The following PLEKHA6 variants were observed in gnomAD, a reference collection of about 807,000 sequenced individuals.
The protein encoded by PLEKHA6 is pleckstrin homology domain containing A6.
In PLEKHA6, 60 loss-of-function variants were observed where a neutral mutation model predicts 116.7. That is an observed-to-expected ratio of 0.51 (90% CI 0.42 to 0.64). The LOEUF is 0.64. PLEKHA6 is among the 30% of genes least tolerant of loss of function. The pLI is 0.00. For missense variants in PLEKHA6, 1,338 were observed against 1,422.7 expected, an observed-to-expected ratio of 0.94 and a Z score of 0.96; for synonymous variants, 489 against 556.1, an observed-to-expected ratio of 0.88 and a Z score of 1.70.
intron 1 of PLEKHA6, among the ~76,000 whole-genome samples, chr1:204,283,087 G>C (rs1668803902): frequency 6.6e-6 from 1 of 152,202 alleles, no homozygotes; most frequent in South Asian, 2.1e-4. Context: ...CAGCCCAGCT[G>C]TCCGCCGCCG....
chr1:204,377,948 C>G (rs1369591561), upstream of PLEKHA6: 1 of 152,410 alleles, frequency 6.6e-6, no homozygotes, highest in Non-Finnish European at 1.5e-5. Flanking sequence ...GACTCGGGAG[C>G]TCCTCTTCGG....
At chr1:204,361,834 G>A (rs1673566961), upstream of PLEKHA6, among the ~76,000 whole-genome samples, 1 of 152,150 alleles carries the variant, frequency 6.6e-6, no homozygotes, top group Non-Finnish European at 1.5e-5. Context: ...AGCCAGTGGA[G>A]GAAAGGAGTG....
At position 204,228,607 on chromosome 1, in the gene PLEKHA6, A is replaced by G; in HGVS notation, c.2885+121T>C. 15 of 882,854 alleles carry G rather than the reference A, an allele frequency of 1.7e-5. No individual in the cohort carries two copies. The highest frequency in any genetic ancestry group is 1.8e-5 in the Non-Finnish European group (10 of 548,570). The allele number at this position is 882,854 out of a possible 1,614,324, so 54.7% of individuals were successfully genotyped here. A position where few individuals can be genotyped will look rare whatever the true frequency, so the allele number is the denominator to read the frequency against. On this transcript the variant is annotated intron_variant, in intron 20 of 22. Coordinates refer to ENST00000272203, the MANE Select transcript of PLEKHA6 (RefSeq NM_014935.5). The surrounding 1 kb of genome is among the most constrained non-coding windows in gnomAD (Gnocchi z 4.0). ...TAGCTGGGCCCTGTCTGCTGCCTGG[A>G]GTCACCACCTCGATGTGCTCTCCCC... is the stretch of plus-strand genomic sequence containing the variant.
rs1249871954 is a variant in PLEKHA6 at position 204,257,314 on chromosome 1, C to T, written c.1524+39G>A. On this transcript the variant is annotated intron_variant, in intron 9 of 22. Coordinates refer to ENST00000272203, the MANE Select transcript of PLEKHA6 (RefSeq NM_014935.5). This position sits in a 1 kb window ranked among gnomAD's most constrained non-coding sequence, Gnocchi z 6.5. Reference sequence around the variant, plus strand: ...TAGATGGTCTTAGGCTTCTGGGGACCTCAGGGGATGAGGAAGGAAGGGCAG... The same window carrying T: ...TAGATGGTCTTAGGCTTCTGGGGACTTCAGGGGATGAGGAAGGAAGGGCAG... 7.1e-6 allele frequency: 11 copies of T among 1,545,460 alleles called. No homozygotes were observed. The highest frequency in any genetic ancestry group is 9.6e-6 in the Non-Finnish European group (11 of 1,141,580).
intron 1 of PLEKHA6, among the ~76,000 whole-genome samples, chr1:204,327,532 C>T (rs1024402242): frequency 3.3e-5 from 5 of 152,252 alleles, no homozygotes; most frequent in African/African-American, 7.2e-5. Flanking sequence ...CTGAGAGCCC[C>T]GTCGTTGATT....
chr1:204,362,001 G>A (rs149064518), upstream of PLEKHA6, among the ~76,000 whole-genome samples: 34 of 152,360 alleles, frequency 2.2e-4, no homozygotes, highest in East Asian at 1.9e-3. Flanking sequence ...GGCAAGGGCC[G>A]CAGACGAGTC....
At chr1:204,269,535 C>A (rs749064246) in intron 3 of PLEKHA6, among the ~76,000 whole-genome samples, 1 of 151,246 alleles carries the variant, frequency 6.6e-6, no homozygotes, top group East Asian at 2.0e-4. Context: ...GATGGCAGCT[C>A]CACCCCACAC....
At chr1:204,256,750 G>A in intron 9 of PLEKHA6, 1 of 512,366 alleles carries the variant, frequency 2.0e-6, no homozygotes, top group Non-Finnish European at 3.5e-6. Flanking sequence ...CACCCTGAGT[G>A]GAGCACGGTG....
intron 1 of PLEKHA6, among the ~76,000 whole-genome samples, chr1:204,337,533 A>G (rs1461673469): frequency 6.6e-6 from 1 of 152,258 alleles, no homozygotes; most frequent in Non-Finnish European, 1.5e-5. Context: ...ACAAGTGAGC[A>G]TGAGATGAGG....
At chr1:204,334,399 T>A (rs1045801579) in intron 1 of PLEKHA6, among the ~76,000 whole-genome samples, 4 of 152,190 alleles carry the variant, frequency 2.6e-5, no homozygotes, top group Non-Finnish European at 4.4e-5. Flanking sequence ...TTTGTGCTCC[T>A]CATAAGATCA....
chr1:204,281,198 C>A (rs1384559854), intron 1 of PLEKHA6: 4 of 153,370 alleles, frequency 2.6e-5, no homozygotes, highest in African/African-American at 9.7e-5. Flanking sequence ...AACAACAGAG[C>A]AAGGCCCCCA....
intron 9 of PLEKHA6, among the ~76,000 whole-genome samples, chr1:204,252,370 G>C (rs888940625): frequency 6.6e-6 from 1 of 151,682 alleles, no homozygotes; most frequent in Non-Finnish European, 1.5e-5. Flanking sequence ...GGAAAGGAGG[G>C]GTGGGAGAAA....
intron 7 of PLEKHA6, among the ~76,000 whole-genome samples, chr1:204,260,419 T>C (rs1353487579): frequency 1.3e-5 from 2 of 152,194 alleles, no homozygotes; most frequent in African/African-American, 4.8e-5. Context: ...CCCACAAGGG[T>C]AGGAACATGG....
chr1:204,360,467 G>A (rs994142343), upstream of PLEKHA6, among the ~76,000 whole-genome samples: 2 of 151,906 alleles, frequency 1.3e-5, no homozygotes, highest in Middle Eastern at 3.2e-3. Flanking sequence ...TGAGTGGGGT[G>A]TGAGTGGGTT....
intron 3 of PLEKHA6, among the ~76,000 whole-genome samples, chr1:204,270,658 G>A (rs986275045): frequency 1.3e-5 from 2 of 152,174 alleles, no homozygotes; most frequent in African/African-American, 2.4e-5. Context: ...TGGTCTTAAA[G>A]GTCCTCATCA....
chr1:204,320,604 G>A, intron 1 of PLEKHA6: 1 of 479,678 alleles, frequency 2.1e-6, no homozygotes, highest in African/African-American at 2.1e-5. Context: ...CCCTGTTTAT[G>A]CTGAGCCCAT....
intron 1 of PLEKHA6, chr1:204,313,563 G>A: frequency 1.0e-6 from 1 of 984,820 alleles, no homozygotes; most frequent in Non-Finnish European, 1.2e-6. Context: ...TGAGGCTACT[G>A]CTTCTCTTCT....
At chr1:204,308,704 T>TTTTTTTG (rs1671515125) in intron 1 of PLEKHA6, among the ~76,000 whole-genome samples, 1 of 141,926 alleles carries the variant, frequency 7.0e-6, no homozygotes, top group Non-Finnish European at 1.5e-5. Context: ...TTTTTTTTTT[T>TTTTTTTG]TTTTGAGACA....
intron 1 of PLEKHA6, among the ~76,000 whole-genome samples, chr1:204,284,643 C>T (rs181151271): frequency 3.3e-5 from 5 of 152,120 alleles, no homozygotes; most frequent in African/African-American, 7.2e-5. Context: ...CTGACGCCCC[C>T]GAGAGGAAGA....
Sources: gnomAD v4.1 joint callset for allele counts (sites outside exome capture counted in the v4.1 genomes callset) on GRCh38, gnomAD v4.1.1 for gene constraint, Gnocchi (gnomAD v3.1) non-coding constraint, MANE v1.5 for transcripts, NCBI Gene and HGNC (gene_info 2026-07-23, HGNC 2026-07-21) for gene names.